DLG2: variants seen among roughly 807,000 people sequenced by gnomAD.
DLG2 encodes disks large homolog 2.
Under a neutral mutation model 132.5 loss-of-function variants are expected in DLG2, and 45 were observed. That is an observed-to-expected ratio of 0.34 (90% CI 0.27 to 0.44). The LOEUF (loss-of-function observed/expected upper bound fraction) is 0.44. Among genes scored for constraint, DLG2 ranks in the 20% least tolerant of loss-of-function variants. DLG2 has a pLI of 1.00. For missense variants in DLG2, 1,045 were observed against 1,196.9 expected (o/e 0.87, Z 1.87); for synonymous variants, 424 against 419.6 (o/e 1.01, Z -0.13).
chr11:83,853,645 A>G (rs12273178), intron 16 of DLG2, among the ~76,000 whole-genome samples: 8,685 of 152,160 alleles, frequency 0.057, 577 homozygotes, highest in African/African-American at 0.16. Context: ...TTACTTTGTG[A>G]GTTAGTGTCT....
At position 85,183,548 on chromosome 11, in the gene DLG2, T is replaced by G. The variant is rs577234506; in HGVS notation, c.187-28897A>C. On this transcript the variant is annotated intron_variant, in intron 4 of 27. Coordinates refer to ENST00000376104, the MANE Select transcript of DLG2 (RefSeq NM_001142699.3). The stretch of plus-strand genomic sequence containing the variant: ...CAACAAAACCATTGCCAGGGGGATT[T>G]ATCTTACTACATCAAATCTTGGCTG... Among the ~76,000 whole-genome samples, 5 of 152,064 alleles carry G rather than the reference T, an allele frequency of 3.3e-5. No homozygotes were observed. In the East Asian group the frequency reaches 9.7e-4, roughly 29 times the overall value.
At chr11:84,087,513 T>C (rs1324688728) in intron 10 of DLG2, among the ~76,000 whole-genome samples, 4 of 152,212 alleles carry the variant, frequency 2.6e-5, no homozygotes, top group African/African-American at 4.8e-5. Flanking sequence ...CTCAAGAAAT[T>C]TATGTCCCAA....
intron 6 of DLG2, among the ~76,000 whole-genome samples, chr11:84,963,323 C>G (rs2052858124): frequency 6.6e-6 from 1 of 152,168 alleles, no homozygotes; most frequent in Non-Finnish European, 1.5e-5. Flanking sequence ...AATATCTGCA[C>G]TATATTGTAA....
chr11:84,583,602 A>C (rs76382053), intron 6 of DLG2, among the ~76,000 whole-genome samples: 9,533 of 152,308 alleles, frequency 0.063, 361 homozygotes, highest in South Asian at 0.1. Flanking sequence ...AATGAAATTA[A>C]CATCAACTTT....
chr11:84,104,271 T>C (rs764696032), intron 9 of DLG2, among the ~76,000 whole-genome samples: 2 of 152,104 alleles, frequency 1.3e-5, no homozygotes, highest in Non-Finnish European at 2.9e-5. Context: ...TCATATCCTT[T>C]GCAGCAATAT....
rs193203773 is a variant in DLG2, at chr11:83,872,040, C to A, written c.1565+2380G>T. 8.7e-4 allele frequency among the ~76,000 whole-genome samples: 132 copies of A among 152,110 alleles called. 1 individual carries two copies. The highest frequency in any genetic ancestry group is 3.1e-3 in the African/African-American group (127 of 41,508). On this transcript the variant is annotated intron_variant, in intron 16 of 27. Transcript: ENST00000376104. ...CAGCACTTTGGGAGGCTGGGGCGGG[C>A]AGATCACAAGGTCAGGCGTTTGAGA...
At chr11:84,310,063 A>G (rs531145517) in intron 7 of DLG2, among the ~76,000 whole-genome samples, 36 of 152,324 alleles carry the variant, frequency 2.4e-4, no homozygotes, top group African/African-American at 8.2e-4. Flanking sequence ...TCCTGAGACC[A>G]GAAAATAAAG....
chr11:84,032,085 C>A (rs1257699181), intron 11 of DLG2, among the ~76,000 whole-genome samples: 2 of 152,162 alleles, frequency 1.3e-5, no homozygotes, highest in African/African-American at 4.8e-5. Context: ...GCTCCCTCTT[C>A]TTGGGCTTAC....
At chr11:84,344,828 C>A (rs1281194929) in intron 7 of DLG2, among the ~76,000 whole-genome samples, 2 of 152,126 alleles carry the variant, frequency 1.3e-5, no homozygotes, top group African/African-American at 2.4e-5. Flanking sequence ...AAGGCAATTT[C>A]ACATTTTTAC....
At chr11:85,372,813 G>A (rs2085092711) in intron 3 of DLG2, among the ~76,000 whole-genome samples, 1 of 151,912 alleles carries the variant, frequency 6.6e-6, no homozygotes, top group Non-Finnish European at 1.5e-5. Flanking sequence ...AAGAGGGAAA[G>A]TGGACGCTCT....
chr11:84,252,522 T>C (rs918780333), intron 7 of DLG2, among the ~76,000 whole-genome samples: 23 of 152,232 alleles, frequency 1.5e-4, no homozygotes, highest in African/African-American at 4.6e-4. Context: ...GAAAATCATA[T>C]TGGATATGTT....
intron 6 of DLG2, among the ~76,000 whole-genome samples, chr11:84,698,692 C>T (rs2058874385): frequency 6.6e-6 from 1 of 151,350 alleles, no homozygotes; most frequent in Non-Finnish European, 1.5e-5. Context: ...AAATAAGATA[C>T]CTGAAATTAA....
At chr11:83,547,662 A>G (rs754249277) in intron 19 of DLG2, among the ~76,000 whole-genome samples, 5 of 152,158 alleles carry the variant, frequency 3.3e-5, no homozygotes, top group African/African-American at 7.2e-5. Flanking sequence ...CAATTCTCCT[A>G]TTGAGCCTCT....
intron 9 of DLG2, among the ~76,000 whole-genome samples, chr11:84,126,605 T>C (rs1283064860): frequency 6.6e-6 from 1 of 152,180 alleles, no homozygotes; most frequent in Non-Finnish European, 1.5e-5. Flanking sequence ...TATATCGATT[T>C]CAGAAAAGAA....
At chr11:84,864,104 T>C (rs17147664) in intron 6 of DLG2, among the ~76,000 whole-genome samples, 3,866 of 152,314 alleles carry the variant, frequency 0.025, 191 homozygotes, top group African/African-American at 0.089. Flanking sequence ...TACACAACCT[T>C]ATTAAAGACT....
chr11:83,570,129 T>C (rs2096774462), intron 19 of DLG2, among the ~76,000 whole-genome samples: 1 of 152,210 alleles, frequency 6.6e-6, no homozygotes, highest in African/African-American at 2.4e-5. Context: ...TCTATCACTA[T>C]CAAGCACACT....
intron 18 of DLG2, among the ~76,000 whole-genome samples, chr11:83,731,288 T>TC (rs1311169448): frequency 1.3e-5 from 2 of 151,944 alleles, no homozygotes; most frequent in African/African-American, 4.8e-5. Flanking sequence ...CCCTCCCCTC[T>TC]CCCCCCAGCC....
At chr11:85,214,213 T>C (rs1000861920) in intron 4 of DLG2, among the ~76,000 whole-genome samples, 5 of 152,146 alleles carry the variant, frequency 3.3e-5, no homozygotes, top group African/African-American at 1.2e-4. Flanking sequence ...GCTGCTACTT[T>C]TTTCTCTATA....
chr11:84,108,969 G>A (rs1216734931), intron 9 of DLG2, among the ~76,000 whole-genome samples: 1 of 152,132 alleles, frequency 6.6e-6, no homozygotes, highest in Non-Finnish European at 1.5e-5. Context: ...AGCTGGACAG[G>A]GATGCTGTGT....
Sources: gnomAD v4.1 joint callset for allele counts (sites outside exome capture counted in the v4.1 genomes callset) on GRCh38, gnomAD v4.1.1 for gene constraint, MANE v1.5 for transcripts, NCBI Gene and HGNC (gene_info 2026-07-23, HGNC 2026-07-21) for gene names.